KLF8: variants seen among roughly 807,000 people sequenced by gnomAD.
KLF8 encodes KLF transcription factor 8.
In KLF8, 10 loss-of-function variants were observed where a neutral mutation model predicts 18.2. That is an observed-to-expected ratio of 0.55 (90% CI 0.34 to 0.93). The LOEUF is 0.93. Ranked by LOEUF, KLF8 falls within the 40% of genes least tolerant of loss-of-function variation. The probability of loss-of-function intolerance (pLI) is 0.02; values close to 1 mark genes in which losing one functional copy is unlikely to be tolerated. For synonymous variants in KLF8, 109 were observed against 97.3 expected, an observed-to-expected ratio of 1.12 and a Z score of -0.71; for missense variants, 264 against 277.9, an observed-to-expected ratio of 0.95 and a Z score of 0.36.
chrX:56,051,576 T>C, the KLF8 span, among the ~76,000 whole-genome samples: 1 of 111,285 alleles, frequency 9.0e-6, no homozygotes, highest in Admixed American at 9.5e-5. Context: ...TTCTTTTCTT[T>C]AAGAATGTTG....
the KLF8 span, among the ~76,000 whole-genome samples, chrX:56,113,554 G>GT: frequency 0.033 from 1,147 of 34,634 alleles, 89 homozygotes; most frequent in African/African-American, 0.12. Context: ...GGCAGGGATA[G>GT]TTTTTTTTTT....
At chrX:55,956,165 CTATCA>C in the KLF8 span, among the ~76,000 whole-genome samples, 1 of 95,713 alleles carries the variant, frequency 1.0e-5, no homozygotes, top group African/African-American at 5.3e-5. Context: ...ATCTATCTAT[CTATCA>C]TCTATCTATC....
the KLF8 span, among the ~76,000 whole-genome samples, chrX:56,149,332 A>G: frequency 8.9e-6 from 1 of 111,847 alleles, no homozygotes; most frequent in South Asian, 3.8e-4. Context: ...GGGAGAGGGT[A>G]TAAAGCAGAG....
the KLF8 span, among the ~76,000 whole-genome samples, chrX:56,185,431 C>T: frequency 8.9e-6 from 1 of 111,762 alleles, no homozygotes; most frequent in African/African-American, 3.3e-5. Flanking sequence ...GAGAATGGGA[C>T]CAAGTTGGAA....
At chrX:56,177,710 C>T in the KLF8 span, among the ~76,000 whole-genome samples, 1 of 111,659 alleles carries the variant, frequency 9.0e-6, no homozygotes, top group Non-Finnish European at 1.9e-5. Flanking sequence ...GTGGAGTCTA[C>T]AGAGGCAGGC....
intron 2 of KLF8, among the ~76,000 whole-genome samples, chrX:56,258,837 C>T (rs1033937181): frequency 9.0e-6 from 1 of 111,466 alleles, no homozygotes; most frequent in Non-Finnish European, 1.9e-5. Flanking sequence ...GTGACAAGGA[C>T]CAGGAGTTTG....
At chrX:55,965,878 A>G in the KLF8 span, among the ~76,000 whole-genome samples, 4 of 111,831 alleles carry the variant, frequency 3.6e-5, no homozygotes, top group Non-Finnish European at 7.5e-5. Flanking sequence ...CCTATTTTGG[A>G]CCTACTCTGG....
the KLF8 span, among the ~76,000 whole-genome samples, chrX:56,207,991 G>C: frequency 6.3e-5 from 7 of 111,111 alleles, no homozygotes; most frequent in Non-Finnish European, 1.3e-4. Context: ...ATCGTGGTAG[G>C]CAAGAGAGCT....
At chrX:56,203,941 T>C in the KLF8 span, among the ~76,000 whole-genome samples, 1 of 111,583 alleles carries the variant, frequency 9.0e-6, no homozygotes, top group African/African-American at 3.2e-5. Context: ...TTTGGAATAG[T>C]TTTTTCTAGT....
At chrX:56,046,777 T>A in the KLF8 span, among the ~76,000 whole-genome samples, 1 of 111,594 alleles carries the variant, frequency 9.0e-6, no homozygotes, top group Non-Finnish European at 1.9e-5. Flanking sequence ...TTTTATAGGT[T>A]ACCTGATGCT....
At chrX:56,056,884 T>C in the KLF8 span, among the ~76,000 whole-genome samples, 1 of 104,691 alleles carries the variant, frequency 9.6e-6, no homozygotes, top group Non-Finnish European at 1.9e-5. Flanking sequence ...GCCAAGGTGC[T>C]CTCCAACAGC....
chrX:56,084,759 T>C, the KLF8 span, among the ~76,000 whole-genome samples: 10 of 112,418 alleles, frequency 8.9e-5, no homozygotes, highest in Admixed American at 9.4e-4. Context: ...TGAAATATTG[T>C]GCCAGTTAGA....
the KLF8 span, among the ~76,000 whole-genome samples, chrX:55,952,188 A>T: frequency 8.9e-6 from 1 of 112,366 alleles, no homozygotes; most frequent in African/African-American, 3.2e-5. Flanking sequence ...CAGCAAAGTG[A>T]GGAGGTGACT....
At chrX:55,941,190 G>A in the KLF8 span, among the ~76,000 whole-genome samples, 1 of 111,669 alleles carries the variant, frequency 9.0e-6, no homozygotes, top group Non-Finnish European at 1.9e-5. Flanking sequence ...CAATGTAACA[G>A]AACAGAGCCC....
the KLF8 span, among the ~76,000 whole-genome samples, chrX:56,166,139 T>TA: frequency 7.3e-4 from 79 of 108,903 alleles, no homozygotes; most frequent in African/African-American, 1.4e-3. Flanking sequence ...GTGCTTTATT[T>TA]TTTTTTTTTT....
At chrX:55,920,592 T>C in the KLF8 span, among the ~76,000 whole-genome samples, 1 of 110,562 alleles carries the variant, frequency 9.0e-6, no homozygotes, top group African/African-American at 3.3e-5. Flanking sequence ...TCACAGCTTC[T>C]GGAAATCAAG....
chrX:56,141,818 T>C, the KLF8 span, among the ~76,000 whole-genome samples: 1 of 111,925 alleles, frequency 8.9e-6, no homozygotes, highest in Non-Finnish European at 1.9e-5. Context: ...CTGGTGATGA[T>C]ACAAATGACC....
chrX:56,157,884 CT>C, the KLF8 span, among the ~76,000 whole-genome samples: 1 of 111,385 alleles, frequency 9.0e-6, no homozygotes, highest in Non-Finnish European at 1.9e-5. Flanking sequence ...TGCAGAAGCT[CT>C]TGAGTTTAAT....
At chrX:56,266,582 A>T in intron 3 of KLF8, 8 of 747,233 alleles carry the variant, frequency 1.1e-5, no homozygotes, top group Non-Finnish European at 1.3e-5. Flanking sequence ...TTTTTAAAAT[A>T]AGTTCAGAAT....
Sources: allele counts gnomAD v4.1 joint callset (sites outside exome capture counted in the v4.1 genomes callset), GRCh38; gene constraint gnomAD v4.1.1; transcripts MANE v1.5; gene names NCBI Gene and HGNC (gene_info 2026-07-23, HGNC 2026-07-21).